C14orf39: variants seen among roughly 807,000 people sequenced by gnomAD.
The protein encoded by C14orf39 is chromosome 14 open reading frame 39, also known as protein SIX6OS1.
Under a neutral mutation model 85.6 loss-of-function variants are expected in C14orf39, and 66 were observed. The observed-to-expected ratio is 0.77, with a 90% CI of 0.63 to 0.95. The LOEUF (loss-of-function observed/expected upper bound fraction) is 0.95. C14orf39 is among the 40% of genes least tolerant of loss of function. The pLI is 0.00. For missense variants in C14orf39, 735 were observed against 663.9 expected (o/e 1.11, Z -1.18); for synonymous variants, 242 against 214.0 (o/e 1.13, Z -1.14).
chr14:60,472,332 T>C (rs1229143926), intron 5 of C14orf39, among the ~76,000 whole-genome samples: 2 of 152,100 alleles, frequency 1.3e-5, no homozygotes, highest in Non-Finnish European at 1.5e-5. Context: ...CCAATAGTAG[T>C]GGATGGTCAT....
chr14:60,512,275 C>T (rs1412323267), intron 1 of C14orf39: 3 of 152,186 alleles, frequency 2.0e-5, no homozygotes, highest in South Asian at 2.1e-4. Context: ...CAAAACTATC[C>T]TGACTCAGGC....
Position 60,485,085 on chromosome 14 carries a change from T to A in C14orf39, c.-7A>T. ...CAAACAGGCTGTCATTCATCTTGGA[T>A]ACTATGTTAAATGAAAAAAAAAATT... On this transcript the variant is annotated splice_region_variant and 5_prime_UTR_variant, in exon 2 of 18. Transcript: ENST00000321731. 5 of 1,597,254 alleles carry A rather than the reference T, an allele frequency of 3.1e-6. No individual in the cohort carries two copies. The highest frequency in any genetic ancestry group is 4.3e-6 in the Non-Finnish European group (5 of 1,176,106).
At chr14:60,474,608 G>T (rs1009883931) in intron 5 of C14orf39, among the ~76,000 whole-genome samples, 28 of 152,282 alleles carry the variant, frequency 1.8e-4, no homozygotes, top group Non-Finnish European at 3.1e-4. Flanking sequence ...TTTTTAGCAT[G>T]AAGCGTTGTT....
intron 11 of C14orf39, among the ~76,000 whole-genome samples, chr14:60,463,207 GTTATGT>G (rs200601584): frequency 0.012 from 1,886 of 152,130 alleles, 17 homozygotes; most frequent in Middle Eastern, 0.027. Flanking sequence ...CTGGCATCTT[GTTATGT>G]TTAGTGATCC....
chr14:60,444,365 G>A (rs527430289), intron 16 of C14orf39, among the ~76,000 whole-genome samples: 3 of 152,170 alleles, frequency 2.0e-5, no homozygotes, highest in Non-Finnish European at 4.4e-5. Context: ...ATGGCCTGAT[G>A]GAGCTGAAAA....
At chr14:60,442,256 T>A in intron 16 of C14orf39, 125 bp from the exon 17 acceptor site, 1 of 545,252 alleles carries the variant, frequency 1.8e-6, no homozygotes, top group South Asian at 3.2e-5. Context: ...ATGGTACCTT[T>A]ATATAGCACA....
intron 9 of C14orf39, among the ~76,000 whole-genome samples, 169 bp from the exon 10 acceptor site, chr14:60,467,213 T>C (rs987019042): frequency 2.6e-5 from 4 of 151,856 alleles, no homozygotes; most frequent in Non-Finnish European, 5.9e-5. Flanking sequence ...AATTACTTAG[T>C]AGTGGTGTCA....
chr14:60,474,455 G>C (rs533270863), intron 5 of C14orf39, among the ~76,000 whole-genome samples: 995 of 46,832 alleles, frequency 0.021, 286 homozygotes, highest in African/African-American at 0.035. Flanking sequence ...GGAGTGGTGA[G>C]AGAGGGTATC....
intron 15 of C14orf39, among the ~76,000 whole-genome samples, chr14:60,455,844 T>G (rs1261387077): frequency 6.6e-6 from 1 of 152,140 alleles, no homozygotes; most frequent in Non-Finnish European, 1.5e-5. Flanking sequence ...TCTAGAGCAG[T>G]GCCTTGCACA....
intron 1 of C14orf39, among the ~76,000 whole-genome samples, chr14:60,505,702 A>C (rs903429610): frequency 1.3e-5 from 2 of 152,254 alleles, no homozygotes; most frequent in Non-Finnish European, 2.9e-5. Context: ...TGATTATGTG[A>C]AATTGTGTGA....
chr14:60,455,234 G>T, intron 15 of C14orf39, 89 bp from the exon 16 acceptor site: 1 of 881,352 alleles, frequency 1.1e-6, no homozygotes, highest in South Asian at 2.0e-5. Flanking sequence ...ATAGAGGTGA[G>T]AATTAGCATA....
intron 16 of C14orf39, among the ~76,000 whole-genome samples, chr14:60,444,540 T>C (rs1231219723): frequency 1.3e-5 from 2 of 152,016 alleles, no homozygotes; most frequent in African/African-American, 2.4e-5. Flanking sequence ...CCAAGAAATA[T>C]GGGAATATGT....
At chr14:60,505,516 C>T (rs1893191424) in intron 1 of C14orf39, among the ~76,000 whole-genome samples, 1 of 152,154 alleles carries the variant, frequency 6.6e-6, no homozygotes, top group African/African-American at 2.4e-5. Flanking sequence ...AGCCAGTTGT[C>T]ACCACCAACA....
At chr14:60,440,172 C>T (rs549157474) in intron 17 of C14orf39, among the ~76,000 whole-genome samples, 124 of 152,298 alleles carry the variant, frequency 8.1e-4, no homozygotes, top group Non-Finnish European at 1.5e-3. Flanking sequence ...GCATTAAATA[C>T]CATTTATAAA....
rs1345896434 is a variant in C14orf39 at position 60,458,694 on chromosome 14, G to T, written c.1163C>A (p.Ser388Ter). The change falls in exon 14 of 18, where the codon TCA (serine) becomes TAA (stop). Residue 388 changes from serine (S) to a stop codon, truncating the protein, a stop_gained. Coordinates refer to ENST00000321731, the MANE Select transcript of C14orf39 (RefSeq NM_174978.3). LOFTEE classifies it high-confidence loss of function. ...TTGACTTACTTGTGAAGTACATTTT[G>T]ATTCTCTTACTTGTCTTACTGTCCC... ...DKGTVRQVRE[S>*]KCTSQAIYTE... 2.5e-6 allele frequency: 4 copies of T among 1,601,718 alleles called. No individual in the cohort carries two copies. Among genetic ancestry groups the T allele is most frequent in the South Asian group, 2.2e-5 (2 of 89,526 alleles).
At chr14:60,446,902 A>T (rs1890791379) in intron 16 of C14orf39, among the ~76,000 whole-genome samples, 1 of 152,226 alleles carries the variant, frequency 6.6e-6, no homozygotes, top group Non-Finnish European at 1.5e-5. Flanking sequence ...AACATATGCA[A>T]ATCAATACAC....
rs60206941 is a variant in C14orf39, at chr14:60,482,879, GGTGT to G, written c.233+808_233+811del. On this transcript the variant is annotated intron_variant, in intron 4 of 17. Coordinates refer to ENST00000321731, the MANE Select transcript of C14orf39 (RefSeq NM_174978.3). ...AAAAGGAAATACAGCTATATAGACA[GGTGT>G]GTGTGTGTGTGTGTGTGTGTGTGTG... 8.4e-3 allele frequency among the ~76,000 whole-genome samples: 1,238 copies of G among 146,738 alleles called. 16 individuals carry two copies. Among genetic ancestry groups the G allele is most frequent in the African/African-American group, 0.028 (1,129 of 40,108 alleles).
intron 16 of C14orf39, among the ~76,000 whole-genome samples, chr14:60,445,142 A>G (rs144262573): frequency 5.9e-5 from 9 of 152,344 alleles, no homozygotes; most frequent in Non-Finnish European, 1.0e-4. Context: ...CATTGATGCT[A>G]TGAAGAAACT....
chr14:60,510,094 T>C (rs1001863872), intron 1 of C14orf39: 19 of 885,206 alleles, frequency 2.1e-5, no homozygotes, highest in Admixed American at 4.1e-5. Context: ...GCGGTCTGTC[T>C]TGGGTTAAGA....
Sources: allele counts gnomAD v4.1 joint callset (sites outside exome capture counted in the v4.1 genomes callset), GRCh38; gene constraint gnomAD v4.1.1; transcripts MANE v1.5; gene names NCBI Gene and HGNC (gene_info 2026-07-23, HGNC 2026-07-21).